The following AGBL4 variants were observed in gnomAD, a reference collection of about 807,000 sequenced individuals.
The protein encoded by AGBL4 is cytosolic carboxypeptidase 6.
AGBL4 carries 58 observed loss-of-function variants against 66.4 expected under a neutral mutation model. The ratio of observed to expected loss-of-function variants is 0.87; its 90% CI spans 0.71 to 1.09. The LOEUF (loss-of-function observed/expected upper bound fraction) is 1.09, where lower values mean the gene tolerates loss of function less well. AGBL4 is among the 50% of genes least tolerant of loss of function. AGBL4 has a pLI of 0.00. For missense variants in AGBL4, 579 were observed against 631.0 expected, an observed-to-expected ratio of 0.92 and a Z score of 0.88; for synonymous variants, 234 against 222.9, an observed-to-expected ratio of 1.05 and a Z score of -0.44.
intron 6 of AGBL4, among the ~76,000 whole-genome samples, chr1:48,735,923 G>C (rs1015492236): frequency 3.9e-5 from 6 of 152,036 alleles, no homozygotes; most frequent in African/African-American, 1.4e-4. Context: ...AGTGACCCCC[G>C]TCCCCAGGAA....
intron 9 of AGBL4, among the ~76,000 whole-genome samples, chr1:48,604,730 C>G (rs1468847841): frequency 2.6e-5 from 4 of 152,160 alleles, no homozygotes; most frequent in Non-Finnish European, 5.9e-5. Flanking sequence ...TATAGACATT[C>G]ACTCCCTCCA....
At chr1:49,293,850 A>G (rs1400474901) in intron 3 of AGBL4, among the ~76,000 whole-genome samples, 17 of 152,220 alleles carry the variant, frequency 1.1e-4, no homozygotes, top group Admixed American at 1.1e-3. Context: ...GTGAGAGGTA[A>G]GTCAGTGCTT....
intron 6 of AGBL4, among the ~76,000 whole-genome samples, chr1:48,729,493 C>T (rs1647750538): frequency 6.6e-6 from 1 of 152,142 alleles, no homozygotes; most frequent in Non-Finnish European, 1.5e-5. Context: ...AAAATCTTGT[C>T]ATTACCAAAC....
chr1:48,938,345 G>GT (rs1444962619), intron 5 of AGBL4, among the ~76,000 whole-genome samples: 1 of 152,128 alleles, frequency 6.6e-6, no homozygotes, highest in Non-Finnish European at 1.5e-5. Flanking sequence ...CCATCACGGA[G>GT]TTATACCCTA....
At chr1:48,954,987 C>T (rs1208290812) in intron 5 of AGBL4, among the ~76,000 whole-genome samples, 1 of 152,016 alleles carries the variant, frequency 6.6e-6, no homozygotes, top group Non-Finnish European at 1.5e-5. Context: ...GAAAATAGGG[C>T]TTAGCGTGAT....
At chr1:49,916,742 AG>A (rs1361354210) in intron 1 of AGBL4, among the ~76,000 whole-genome samples, 1 of 152,172 alleles carries the variant, frequency 6.6e-6, no homozygotes, top group South Asian at 2.1e-4. Context: ...AACGCCACAA[AG>A]ATACTCCTTG....
chr1:49,841,902 G>A (rs1415231317), intron 2 of AGBL4: 4 of 630,544 alleles, frequency 6.3e-6, no homozygotes, highest in Non-Finnish European at 5.8e-6. Context: ...CCCCTGGGCT[G>A]CCTGTCTCCA....
At chr1:49,310,159 C>T (rs1644918747) in intron 3 of AGBL4, among the ~76,000 whole-genome samples, 1 of 151,874 alleles carries the variant, frequency 6.6e-6, no homozygotes, top group Non-Finnish European at 1.5e-5. Flanking sequence ...GAATGAGGGA[C>T]AATATAGTAA....
intron 3 of AGBL4, among the ~76,000 whole-genome samples, chr1:49,410,207 G>C (rs964442439): frequency 3.3e-5 from 5 of 152,298 alleles, no homozygotes; most frequent in Admixed American, 2.6e-4. Context: ...CAGAGCTCCA[G>C]GATATGGCCA....
intron 2 of AGBL4, among the ~76,000 whole-genome samples, chr1:49,778,403 G>A (rs1358846872): frequency 6.6e-6 from 1 of 152,142 alleles, no homozygotes; most frequent in Admixed American, 6.5e-5. Flanking sequence ...TATGAGTAAG[G>A]CTGGCCCAGG....
At chr1:49,396,917 G>A (rs1012160113) in intron 3 of AGBL4, among the ~76,000 whole-genome samples, 5 of 152,148 alleles carry the variant, frequency 3.3e-5, no homozygotes, top group Admixed American at 6.5e-5. Flanking sequence ...ATAAGGACCA[G>A]TTTCGTGGGA....
At chr1:48,723,774 A>G (rs182623138) in intron 6 of AGBL4, among the ~76,000 whole-genome samples, 62 of 152,386 alleles carry the variant, frequency 4.1e-4, no homozygotes, top group African/African-American at 1.3e-3. Flanking sequence ...CCCATTATAT[A>G]TATCAAGAGT....
intron 2 of AGBL4, among the ~76,000 whole-genome samples, chr1:49,811,550 C>A (rs1645103103): frequency 6.6e-6 from 1 of 152,076 alleles, no homozygotes; most frequent in African/African-American, 2.4e-5. Flanking sequence ...TCTCTAGGTA[C>A]TTTTACACTA....
At chr1:49,797,014 T>G (rs1469454473) in intron 2 of AGBL4, among the ~76,000 whole-genome samples, 2 of 152,144 alleles carry the variant, frequency 1.3e-5, no homozygotes, top group African/African-American at 2.4e-5. Flanking sequence ...ATATTTACCT[T>G]AGCATTGTGT....
intron 2 of AGBL4, among the ~76,000 whole-genome samples, chr1:49,831,665 G>C (rs1645683803): frequency 6.6e-6 from 1 of 152,174 alleles, no homozygotes; most frequent in Non-Finnish European, 1.5e-5. Context: ...GGAGTGGTGA[G>C]AGAAGGCATC....
intron 1 of AGBL4, among the ~76,000 whole-genome samples, chr1:49,948,114 GT>G (rs1450802578): frequency 1.3e-5 from 1 of 76,626 alleles, no homozygotes; most frequent in African/African-American, 5.1e-5. Flanking sequence ...ATATGTAAAT[GT>G]ATGTAAATAT....
At chr1:49,731,359 T>G (rs868503689) in intron 2 of AGBL4, among the ~76,000 whole-genome samples, 7 of 152,326 alleles carry the variant, frequency 4.6e-5, no homozygotes, top group Middle Eastern at 3.4e-3. Context: ...GAATCCTGAC[T>G]GATATAGTGA....
chr1:49,080,526 C>G (rs902917932), intron 4 of AGBL4, among the ~76,000 whole-genome samples: 1 of 152,050 alleles, frequency 6.6e-6, no homozygotes, highest in East Asian at 1.9e-4. Context: ...TTGGAGGTAC[C>G]CCTGATTGGC....
intron 1 of AGBL4, among the ~76,000 whole-genome samples, chr1:49,921,667 G>A (rs1055878049): frequency 1.6e-4 from 25 of 152,152 alleles, no homozygotes; most frequent in Non-Finnish European, 2.2e-4. Context: ...AACCACTAGC[G>A]TTAAGTCCAA....
Sources: gnomAD v4.1 joint callset for allele counts (sites outside exome capture counted in the v4.1 genomes callset) on GRCh38, gnomAD v4.1.1 for gene constraint, MANE v1.5 for transcripts, NCBI Gene and HGNC (gene_info 2026-07-23, HGNC 2026-07-21) for gene names.